The following DIPK1A variants were observed in gnomAD, a reference collection of about 807,000 sequenced individuals.
The protein encoded by DIPK1A is family with sequence similarity 69 member A.
A neutral mutation model predicts 40.8 loss-of-function variants in DIPK1A; 27 were observed. That is an observed-to-expected ratio of 0.66 (90% confidence interval 0.49 to 0.91). The LOEUF (loss-of-function observed/expected upper bound fraction) is 0.91. DIPK1A is among the 40% of genes least tolerant of loss of function. The pLI is 0.00. For synonymous variants in DIPK1A, 166 were observed against 171.3 expected (o/e 0.97, Z 0.24); for missense variants, 412 against 505.7 (o/e 0.81, Z 1.78).
intron 1 of DIPK1A, among the ~76,000 whole-genome samples, chr1:92,879,634 C>A (rs754589954): frequency 1.5e-4 from 23 of 152,196 alleles, no homozygotes; most frequent in Non-Finnish European, 2.9e-4. Context: ...TTGGGGGTAA[C>A]ACAAAGTAGT....
At position 92,946,960 on chromosome 1, in the gene DIPK1A, A is replaced by AC. The variant is rs1553134977; in HGVS notation, c.54+14415_54+14416insG. ...CCCTGTCTCAAAAAAAAAAAAAAAA[A>AC]ACCACACAGACATAAAAGTCTATTA... is the stretch of plus-strand genomic sequence containing the variant. On this transcript the variant is annotated intron_variant, in intron 1 of 4. Coordinates refer to ENST00000370310, the MANE Select transcript of DIPK1A (RefSeq NM_001006605.5). 2.2e-3 allele frequency among the ~76,000 whole-genome samples: 330 copies of AC among 147,618 alleles called. 6 individuals carry two copies. Among genetic ancestry groups the AC allele is most frequent in the East Asian group, 0.011 (55 of 5,068 alleles).
intron 1 of DIPK1A, among the ~76,000 whole-genome samples, chr1:92,904,356 T>G (rs1649525261): frequency 6.6e-6 from 1 of 152,074 alleles, no homozygotes; most frequent in Non-Finnish European, 1.5e-5. Context: ...TGCTGAAAAA[T>G]AATTACCCAA....
rs994034645 is a variant in DIPK1A at position 92,843,319 on chromosome 1, T to C, written c.*64A>G. ...GCCGGAATTTGAAGCCATTTTTTTT[T>C]AATGCTCAAAATTGTTCTTTAAAAG... On this transcript the variant is annotated 3_prime_UTR_variant, in exon 5 of 5. Transcript: ENST00000370310. 4.7e-4 allele frequency: 688 copies of C among 1,455,354 alleles called. 1 individual carries two copies. Among genetic ancestry groups the C allele is most frequent in the Non-Finnish European group, 5.3e-5 (59 of 1,105,550 alleles). 90.2% of individuals were successfully genotyped at this position (1,455,354 alleles called of 1,614,324 possible).
chr1:92,960,662 T>C (rs947061978), intron 1 of DIPK1A, among the ~76,000 whole-genome samples: 10 of 152,108 alleles, frequency 6.6e-5, no homozygotes, highest in African/African-American at 2.4e-4. Flanking sequence ...TGACTGAGAA[T>C]TACGTTTGCA....
At chr1:92,833,644 G>A in intron 4 of DIPK1A, 1 of 1,611,068 alleles carries the variant, frequency 6.2e-7, no homozygotes. Context: ...GTGACAAACA[G>A]AGATATCATT....
At chr1:92,833,384 T>C in intron 4 of DIPK1A, 3 of 1,606,950 alleles carry the variant, frequency 1.9e-6, no homozygotes, top group Non-Finnish European at 2.6e-6. Context: ...TCTTTTTTCT[T>C]TAAGGGGTTT....
chr1:92,845,526 A>T (rs1485288786), intron 4 of DIPK1A: 1 of 389,666 alleles, frequency 2.6e-6, no homozygotes, highest in East Asian at 8.0e-5. Flanking sequence ...AAAAAAAAAA[A>T]AAACCGTCTC....
intron 1 of DIPK1A, chr1:92,933,937 A>C: frequency 6.6e-6 from 1 of 152,230 alleles, no homozygotes; most frequent in East Asian, 1.9e-4. Flanking sequence ...TACTGAGGAA[A>C]GGGAGACTAG....
intron 1 of DIPK1A, among the ~76,000 whole-genome samples, chr1:92,896,416 A>G (rs1377226511): frequency 6.6e-6 from 1 of 152,208 alleles, no homozygotes; most frequent in Non-Finnish European, 1.5e-5. Context: ...AGGATTCCCT[A>G]TTTAATAAAT....
chr1:92,839,850 T>C (rs1319322416), downstream of DIPK1A, among the ~76,000 whole-genome samples: 1 of 151,926 alleles, frequency 6.6e-6, no homozygotes, highest in Non-Finnish European at 1.5e-5. Context: ...TTTCTTACTT[T>C]TTTTTTTTGA....
intron 4 of DIPK1A, among the ~76,000 whole-genome samples, 164 bp downstream of exon 4, chr1:92,847,019 C>T (rs1173203908): frequency 6.8e-6 from 1 of 146,088 alleles, no homozygotes; most frequent in Non-Finnish European, 1.5e-5. Context: ...GCTGGGATAA[C>T]AGGCGTGAGC....
intron 4 of DIPK1A, chr1:92,834,984 G>C (rs1479947886): frequency 1.3e-6 from 2 of 1,590,992 alleles, no homozygotes; most frequent in Admixed American, 3.3e-5. Context: ...CAAGATGTTT[G>C]TACATGGATA....
rs186469020 is a variant in DIPK1A at position 92,893,152 on chromosome 1, C to T, written c.55-16722G>A. Reference sequence around the variant, plus strand: ...ATTCAGATTCAGGAAATACAGAGAACGCCACAAAGATACTCCTCGAGAAGA... The same window carrying T: ...ATTCAGATTCAGGAAATACAGAGAATGCCACAAAGATACTCCTCGAGAAGA... On this transcript the variant is annotated intron_variant, in intron 1 of 4. Coordinates refer to ENST00000370310, the MANE Select transcript of DIPK1A (RefSeq NM_001006605.5). Among the ~76,000 whole-genome samples, 82 of 151,348 alleles carry T rather than the reference C, an allele frequency of 5.4e-4. No individual in the cohort carries two copies. In the East Asian group the frequency reaches 8.0e-3, roughly 15 times the overall value.
chr1:92,914,928 A>T (rs1649992216), intron 1 of DIPK1A, among the ~76,000 whole-genome samples: 1 of 151,884 alleles, frequency 6.6e-6, no homozygotes. Context: ...TCTACTAAAA[A>T]TACAAAAAAA....
intron 4 of DIPK1A, among the ~76,000 whole-genome samples, chr1:92,835,836 G>A (rs1373999961): frequency 6.6e-6 from 1 of 152,136 alleles, no homozygotes. Flanking sequence ...TGTGCAGCAA[G>A]GTTGATGACA....
chr1:92,846,865 A>G (rs939764780), intron 4 of DIPK1A, among the ~76,000 whole-genome samples: 146 of 2,520 alleles, frequency 0.058, 35 homozygotes, highest in East Asian at 0.41. Context: ...ATATGTGTGT[A>G]TATATATATA....
intron 1 of DIPK1A, among the ~76,000 whole-genome samples, chr1:92,914,389 T>C (rs949922176): frequency 6.6e-6 from 1 of 151,946 alleles, no homozygotes; most frequent in East Asian, 1.9e-4. Flanking sequence ...AAAGTGGAAA[T>C]AGGAAGACAT....
rs748406812 is a variant in DIPK1A, at chr1:92,833,697, C to G, written c.475-663G>C. On this transcript the variant is annotated intron_variant, in intron 4 of 4. Coordinates refer to the DIPK1A transcript ENST00000615519. The stretch of plus-strand genomic sequence containing the variant: ...TCTAGACAGTCCCCTTTTTTTATTG[C>G]TAGAGAAATTGTGCTTGGGAAGCAA... 3.9e-6 allele frequency: 6 copies of G among 1,533,334 alleles called. No homozygotes were observed. In the South Asian group the frequency reaches 5.6e-5, roughly 14 times the overall value. 95.0% of individuals were successfully genotyped at this position (1,533,334 alleles called of 1,614,324 possible). A position where few individuals can be genotyped will look rare whatever the true frequency, so the allele number is the denominator to read the frequency against.
intron 1 of DIPK1A, among the ~76,000 whole-genome samples, chr1:92,914,708 G>A (rs1471337024): frequency 6.6e-6 from 1 of 151,546 alleles, no homozygotes; most frequent in Non-Finnish European, 1.5e-5. Context: ...GGCGGAGGTT[G>A]CAGTGAGCCA....
Sources: gnomAD v4.1 joint callset for allele counts (sites outside exome capture counted in the v4.1 genomes callset) on GRCh38, gnomAD v4.1.1 for gene constraint, MANE v1.5 for transcripts, NCBI Gene and HGNC (gene_info 2026-07-23, HGNC 2026-07-21) for gene names.